PDGFA: variants seen among roughly 807,000 people sequenced by gnomAD.
PDGFA encodes platelet-derived growth factor subunit A.
In PDGFA, 9 loss-of-function variants were observed where a neutral mutation model predicts 25.6. The ratio of observed to expected loss-of-function variants is 0.35; its 90% CI spans 0.21 to 0.61. The LOEUF is 0.61. Among genes scored for constraint, PDGFA ranks in the 20% least tolerant of loss-of-function variants. The pLI, the probability that PDGFA is intolerant of heterozygous loss-of-function variation, is 0.75. For missense variants in PDGFA, 242 were observed against 272.8 expected (o/e 0.89, Z 0.79); for synonymous variants, 133 against 111.8 (o/e 1.19, Z -1.20).
intron 2 of PDGFA, among the ~76,000 whole-genome samples, chr7:513,999 C>T (rs1233789060): frequency 2.6e-5 from 4 of 152,186 alleles, no homozygotes; most frequent in Non-Finnish European, 5.9e-5. Context: ...GAAAAAGTGA[C>T]ACTTATGAAT....
At chr7:518,904 C>A in intron 1 of PDGFA, 35 bp downstream of exon 1, 2 of 1,450,294 alleles carry the variant, frequency 1.4e-6, no homozygotes, top group Non-Finnish European at 9.2e-7. Flanking sequence ...GCCGGAGGAG[C>A]CGGCGCAGGG....
Position 500,792 on chromosome 7 carries a change from C to G in PDGFA, c.580+324G>C. 1 of 1,448,850 alleles carries G rather than the reference C, an allele frequency of 6.9e-7. No homozygotes were observed. The highest frequency in any genetic ancestry group is 9.1e-7 in the Non-Finnish European group (1 of 1,101,712). 89.7% of individuals were successfully genotyped at this position (1,448,850 alleles called of 1,614,324 possible). ...CTCCCGCCCACCCTGGCAGGAGGCC[C>G]TTCTGCAGATTCTTCTCAGCTCAGC... On this transcript the variant is annotated intron_variant, in intron 5 of 5. Coordinates refer to ENST00000402802, the Ensembl canonical transcript of PDGFA. This position sits in a 1 kb window ranked among gnomAD's most constrained non-coding sequence, Gnocchi z 5.0.
intron 2 of PDGFA, among the ~76,000 whole-genome samples, chr7:515,050 C>T (rs1279076190): frequency 6.6e-6 from 1 of 152,222 alleles, no homozygotes; most frequent in Non-Finnish European, 1.5e-5. Context: ...AAATGCCAGT[C>T]ACAAAGCCCC....
chr7:519,884 C>T, upstream of PDGFA: 1 of 147,202 alleles, frequency 6.8e-6, no homozygotes, highest in Non-Finnish European at 1.4e-5. Context: ...TATAGCGCCG[C>T]CGCCGCGCCC....
At chr7:507,350 A>G (rs1195829915) in intron 4 of PDGFA, among the ~76,000 whole-genome samples, 1 of 152,212 alleles carries the variant, frequency 6.6e-6, no homozygotes, top group Admixed American at 6.5e-5. Flanking sequence ...TGAGACCCAG[A>G]GGGAGAGCCC....
At chr7:497,353 T>C (rs775043252) in exon 6 of PDGFA, 2 of 151,768 alleles carry the variant, frequency 1.3e-5, no homozygotes, top group Non-Finnish European at 2.9e-5. Flanking sequence ...TAGGTAAACA[T>C]ACAAACTTCA....
intron 5 of PDGFA, 79 bp from the exon 6 acceptor site, chr7:498,653 G>A: frequency 7.5e-7 from 1 of 1,330,110 alleles, no homozygotes. Context: ...TGCATAGGAG[G>A]AAAACAGGGT....
chr7:502,409 T>C (rs1355059350), intron 4 of PDGFA, among the ~76,000 whole-genome samples: 3 of 152,136 alleles, frequency 2.0e-5, no homozygotes, highest in Admixed American at 6.5e-5. Flanking sequence ...GGTCCCCTCA[T>C]GGCTCCCCCA....
chr7:508,474 AG>A (rs1782659797), intron 4 of PDGFA, among the ~76,000 whole-genome samples: 1 of 145,158 alleles, frequency 6.9e-6, no homozygotes, highest in South Asian at 2.3e-4. Context: ...GTGGGAGGAT[AG>A]CTTCAGCCTG....
At chr7:508,559 C>CCAAAA (rs1782664931) in intron 4 of PDGFA, among the ~76,000 whole-genome samples, 23 of 35,668 alleles carry the variant, frequency 6.4e-4, no homozygotes, top group Admixed American at 9.8e-4. Context: ...GAAGCTGTCC[C>CCAAAA]AAAAAAAAAA....
chr7:507,361 T>C (rs1283202210), intron 4 of PDGFA, among the ~76,000 whole-genome samples: 1 of 152,188 alleles, frequency 6.6e-6, no homozygotes, highest in Non-Finnish European at 1.5e-5. Flanking sequence ...GGGAGAGCCC[T>C]GGTCCTGGCT....
chr7:505,845 T>A (rs1383284225), intron 4 of PDGFA, among the ~76,000 whole-genome samples: 4 of 152,158 alleles, frequency 2.6e-5, no homozygotes, highest in African/African-American at 7.2e-5. Context: ...CGACAGAGAC[T>A]TGGAATGTCA....
intron 4 of PDGFA, among the ~76,000 whole-genome samples, chr7:507,491 G>C (rs1782610891): frequency 6.6e-6 from 1 of 152,218 alleles, no homozygotes; most frequent in South Asian, 2.1e-4. Context: ...TCCTCAGGGG[G>C]CCGGGGGAGG....
chr7:501,247 C>G lies in PDGFA; in HGVS notation c.454-5G>C, dbSNP rs1380016073. 6.2e-7 allele frequency: 1 copy of G among 1,613,972 alleles called. No individual in the cohort carries two copies. On this transcript the variant is annotated splice_region_variant and splice_polypyrimidine_tract_variant and intron_variant, in intron 4 of 5. Coordinates refer to ENST00000402802, the Ensembl canonical transcript of PDGFA. ...GACGTATTCCACCTTGGCCACCTGC[C>G]AGAGAGAACAGAGCCCGGCCATGAA...
rs1271562971 is a variant in PDGFA at position 517,190 on chromosome 7, C to T, written c.160+204G>A. Among the ~76,000 whole-genome samples, 3 of 151,696 alleles carry T rather than the reference C, an allele frequency of 2.0e-5. No individual in the cohort carries two copies. The highest frequency in any genetic ancestry group is 7.2e-5 in the African/African-American group (3 of 41,392). ...AAGGCGAAAACAATCCCGGGGCGAG[C>T]GAGCAGCCCTCGGCCGCCGCTGGGA... On this transcript the variant is annotated intron_variant, in intron 2 of 5. Transcript: ENST00000402802. This position sits in a 1 kb window ranked among gnomAD's most constrained non-coding sequence, Gnocchi z 7.4.
chr7:507,118 A>G (rs1463584836), intron 4 of PDGFA, among the ~76,000 whole-genome samples: 1 of 152,182 alleles, frequency 6.6e-6, no homozygotes, highest in Admixed American at 6.5e-5. Flanking sequence ...TGAGCCTCCA[A>G]AATGGGCCTC....
Position 500,696 on chromosome 7 carries a change from G to A in PDGFA, c.580+420C>T, listed in dbSNP as rs1782289772. ...GGCACAGAAGCCATTCTGCTCCTGG[G>A]TGGAGTCCGCGTGGCGGGGTGAAGG... On this transcript the variant is annotated intron_variant, in intron 5 of 5. Coordinates refer to ENST00000402802, the Ensembl canonical transcript of PDGFA. This position sits in a 1 kb window ranked among gnomAD's most constrained non-coding sequence, Gnocchi z 5.0. The A allele has an allele frequency of 6.9e-7, 1 of 1,445,366 alleles. No homozygotes were observed. Among genetic ancestry groups the A allele is most frequent in the Non-Finnish European group, 9.0e-7 (1 of 1,105,274 alleles). The allele number at this position is 1,445,366 out of a possible 1,614,324, so 89.5% of individuals were successfully genotyped here. A position where few individuals can be genotyped will look rare whatever the true frequency, so the allele number is the denominator to read the frequency against.
rs1220057976 is a variant in PDGFA, at chr7:500,366, G to A, written c.580+750C>T. 6.5e-7 allele frequency: 1 copy of A among 1,539,598 alleles called. No individual in the cohort carries two copies. The highest frequency in any genetic ancestry group is 1.4e-5 in the African/African-American group (1 of 73,348). ...GGCGAGACAGGAAGCGTGATTTGCTGGTGTGATCAGTCAGTTGCACCTCCC... is the reference window on the plus strand; with the variant it reads ...GGCGAGACAGGAAGCGTGATTTGCTAGTGTGATCAGTCAGTTGCACCTCCC... On this transcript the variant is annotated intron_variant, in intron 5 of 5. Coordinates refer to ENST00000402802, the Ensembl canonical transcript of PDGFA. The surrounding 1 kb of genome is among the most constrained non-coding windows in gnomAD (Gnocchi z 5.0).
chr7:509,920 C>G (rs1304012986), intron 4 of PDGFA, among the ~76,000 whole-genome samples: 1 of 152,198 alleles, frequency 6.6e-6, no homozygotes, highest in Non-Finnish European at 1.5e-5. Flanking sequence ...AGTCTGCTGT[C>G]TGGCCTCGAG....
Sources: gnomAD v4.1 joint callset for allele counts (sites outside exome capture counted in the v4.1 genomes callset) on GRCh38, gnomAD v4.1.1 for gene constraint, Gnocchi (gnomAD v3.1) non-coding constraint, MANE v1.5 for transcripts, NCBI Gene and HGNC (gene_info 2026-07-23, HGNC 2026-07-21) for gene names.